Variants in SLIT1 observed in about 807,000 individuals in gnomAD.
SLIT1 encodes slit homolog 1 protein.
A neutral mutation model predicts 186.1 loss-of-function variants in SLIT1; 66 were observed. The ratio of observed to expected loss-of-function variants is 0.35; its 90% CI spans 0.29 to 0.44. The LOEUF is 0.44. Ranked by LOEUF, SLIT1 falls within the 20% of genes least tolerant of loss-of-function variation. The pLI is 1.00. For missense variants in SLIT1, 1,638 were observed against 2,037.4 expected (o/e 0.80, Z 3.77); for synonymous variants, 761 against 833.8 (o/e 0.91, Z 1.50).
rs1325173961 is a variant in SLIT1, at chr10:97,030,793, T to C, written c.2546A>G (p.Glu849Gly). 3.7e-6 allele frequency: 6 copies of C among 1,613,940 alleles called. No homozygotes were observed. The highest frequency in any genetic ancestry group is 8.5e-7 in the Non-Finnish European group (1 of 1,180,002). ...GGAGGTCACGTCTGCAAAGATGCCC[T>C]CTTGGAGGGTGGAGATGTCATTGCC... ...LHGNDISTLQ[E>G]GIFADVTSLS... Residue 849 changes from glutamate (E) to glycine (G), a missense_variant, in exon 25 of 37, where the codon GAG (glutamate) becomes GGG (glycine). Transcript: ENST00000266058.
rs770424125 is a variant in SLIT1 at position 97,047,030 on chromosome 10, G to A, written c.1670C>T (p.Ala557Val). Residue 557 changes from alanine (A) to valine (V), a missense_variant, in exon 17 of 37, where the codon GCC becomes GTC. By Grantham distance (64) the Ala-to-Val change is moderately conservative. Transcript: ENST00000266058. ...TGTAAGTTTTTTAAACATCCCAGTG[G>A]CCTCCAGGATGGAAATCTCATTGTT... The part of the protein sequence containing the change: ...LNNNEISILE[A>V]TGMFKKLTHL... 1 of 1,612,586 alleles carries A rather than the reference G, an allele frequency of 6.2e-7. No individual in the cohort carries two copies. The highest frequency in any genetic ancestry group is 1.7e-5 in the Admixed American group (1 of 60,028).
chr10:97,086,635 T>C (rs1337837078), intron 4 of SLIT1, among the ~76,000 whole-genome samples: 1 of 152,034 alleles, frequency 6.6e-6, no homozygotes, highest in Non-Finnish European at 1.5e-5. Context: ...ATGCATATGA[T>C]TAAGTGAAAG....
chr10:97,169,796 C>T (rs1166984928), intron 1 of SLIT1, among the ~76,000 whole-genome samples: 1 of 152,242 alleles, frequency 6.6e-6, no homozygotes, highest in African/African-American at 2.4e-5. Context: ...ACTCTCATTT[C>T]ACAACCTATA....
chr10:97,037,702 G>T lies in SLIT1; in HGVS notation c.2362C>A (p.Leu788Ile). 6.2e-7 allele frequency: 1 copy of T among 1,608,994 alleles called. No individual in the cohort carries two copies. Residue 788 changes from leucine (L) to isoleucine (I), a missense_variant, in exon 22 of 37, where the codon CTC becomes ATC. Leu to Ile is a conservative substitution (Grantham distance 5). Around this residue, in one of 3 missense-constraint regions of SLIT1, gnomAD observed 1,245 missense variants for 1,535.3 expected, o/e 0.81. Transcript: ENST00000266058. ...TCAAGCGGCCTGGATACTTACACGA[G>T]CTGCAGGTACTTGAAGGTAGACAGC... is the stretch of plus-strand genomic sequence containing the variant. The part of the protein sequence containing the change: ...GQLSTFKYLQ[L>I]VDLSNNKISS...
chr10:97,170,946 T>G (rs2134736600), intron 1 of SLIT1, among the ~76,000 whole-genome samples: 1 of 152,130 alleles, frequency 6.6e-6, no homozygotes, highest in South Asian at 2.1e-4. Flanking sequence ...GCTTCACAAT[T>G]TCTCACCCTG....
At chr10:97,185,344 G>T in intron 1 of SLIT1, 134 bp downstream of exon 1, 1 of 823,108 alleles carries the variant, frequency 1.2e-6, no homozygotes, top group Non-Finnish European at 1.9e-6. Context: ...GACCCCGGCA[G>T]GCACTGACCC....
intron 4 of SLIT1, among the ~76,000 whole-genome samples, chr10:97,138,579 G>C (rs115436352): frequency 6.6e-6 from 1 of 152,152 alleles, no homozygotes; most frequent in Admixed American, 6.5e-5. Flanking sequence ...CAAGTTTCCC[G>C]TAAGGATCTG....
intron 22 of SLIT1, among the ~76,000 whole-genome samples, chr10:97,035,122 T>TG (rs375991419): frequency 0.2 from 30,559 of 151,878 alleles, 3,452 homozygotes; most frequent in Middle Eastern, 0.3. Context: ...ACAACTGATC[T>TG]CTCTTCTCTT....
At chr10:97,176,609 C>G (rs1348269998) in intron 1 of SLIT1, among the ~76,000 whole-genome samples, 1 of 152,204 alleles carries the variant, frequency 6.6e-6, no homozygotes, top group Non-Finnish European at 1.5e-5. Flanking sequence ...ACTGCTCTGC[C>G]CACTTTACCA....
At chr10:97,025,979 A>T (rs1381641282) in intron 25 of SLIT1, among the ~76,000 whole-genome samples, 1 of 152,158 alleles carries the variant, frequency 6.6e-6, no homozygotes, top group Non-Finnish European at 1.5e-5. Context: ...TGGTGAATGA[A>T]TGAATGCCTG....
chr10:97,020,653 G>A (rs1393229016), intron 26 of SLIT1, among the ~76,000 whole-genome samples: 2 of 152,248 alleles, frequency 1.3e-5, no homozygotes, highest in African/African-American at 4.8e-5. Context: ...GGCCTCCAGT[G>A]TCCTCCCCCC....
At chr10:97,141,966 A>AT (rs1564686639) in intron 4 of SLIT1, among the ~76,000 whole-genome samples, 3 of 151,806 alleles carry the variant, frequency 2.0e-5, no homozygotes, top group Admixed American at 6.6e-5. Context: ...CACCCAGCGA[A>AT]TTTTTTTGTT....
intron 4 of SLIT1, among the ~76,000 whole-genome samples, chr10:97,144,744 ACTT>A (rs2134706988): frequency 6.6e-6 from 1 of 152,304 alleles, no homozygotes; most frequent in East Asian, 1.9e-4. Flanking sequence ...ACTTGTGAGA[ACTT>A]CTAGGACAGC....
intron 4 of SLIT1, among the ~76,000 whole-genome samples, chr10:97,151,393 T>C (rs1016513445): frequency 9.4e-5 from 13 of 138,484 alleles, no homozygotes; most frequent in African/African-American, 3.3e-4. Context: ...GGAGAGTGGA[T>C]GGATAGGCAG....
At chr10:97,112,206 G>A (rs1270682690) in intron 4 of SLIT1, among the ~76,000 whole-genome samples, 1 of 152,138 alleles carries the variant, frequency 6.6e-6, no homozygotes, top group African/African-American at 2.4e-5. Context: ...CCTCTAGGGA[G>A]CCTCTGCCAA....
At chr10:97,060,588 G>A in intron 9 of SLIT1, 52 bp downstream of exon 9, 1 of 1,607,222 alleles carries the variant, frequency 6.2e-7, no homozygotes, top group Non-Finnish European at 8.5e-7. Context: ...GCCCTCCAGA[G>A]CCAGGCCTGC....
chr10:97,099,221 G>A (rs1378151491), intron 4 of SLIT1, among the ~76,000 whole-genome samples: 1 of 152,084 alleles, frequency 6.6e-6, no homozygotes, highest in Non-Finnish European at 1.5e-5. Context: ...GAGGGGCCAG[G>A]GCTTGATGTG....
chr10:97,016,679 G>A (rs61864161), intron 28 of SLIT1, among the ~76,000 whole-genome samples: 1 of 152,146 alleles, frequency 6.6e-6, no homozygotes, highest in African/African-American at 2.4e-5. Flanking sequence ...TAAAGTGATA[G>A]TTTTATTCTT....
chr10:97,043,515 T>TG lies in SLIT1; in HGVS notation c.1854-3dup. ...CTGATGCGGTTGTTCCGCAGCATTCTGGGGAGGAACGGGGGAGGGAGGAGG... is the reference window on the plus strand; with the variant it reads ...CTGATGCGGTTGTTCCGCAGCATTCTGGGGGAGGAACGGGGGAGGGAGGAGG... On this transcript the variant is annotated splice_region_variant and splice_polypyrimidine_tract_variant and intron_variant, in intron 18 of 36. Transcript: ENST00000266058. This position sits in a 1 kb window ranked among gnomAD's most constrained non-coding sequence, Gnocchi z 7.0. The TG allele has an allele frequency of 1.2e-6, 2 of 1,609,888 alleles. 1 individual carries two copies. The highest frequency in any genetic ancestry group is 2.2e-5 in the South Asian group (2 of 90,990).
Sources: gnomAD v4.1 joint callset for allele counts (sites outside exome capture counted in the v4.1 genomes callset) on GRCh38, gnomAD v4.1.1 for gene constraint, gnomAD v4.1.1 regional missense constraint, Gnocchi (gnomAD v3.1) non-coding constraint, MANE v1.5 for transcripts, NCBI Gene and HGNC (gene_info 2026-07-23, HGNC 2026-07-21) for gene names.